The following PPARGC1A variants were observed in gnomAD, a reference collection of about 807,000 sequenced individuals.
PPARGC1A encodes the protein peroxisome proliferator-activated receptor gamma coactivator 1-alpha.
PPARGC1A carries 25 observed loss-of-function variants against 88.7 expected under a neutral mutation model. The observed-to-expected ratio is 0.28, with a 90% CI of 0.21 to 0.39. The LOEUF is 0.39. Among genes scored for constraint, PPARGC1A ranks in the 10% least tolerant of loss-of-function variants. PPARGC1A has a pLI of 1.00. For synonymous variants in PPARGC1A, 363 were observed against 355.6 expected (o/e 1.02, Z -0.24); for missense variants, 880 against 968.7 (o/e 0.91, Z 1.22).
the PPARGC1A span, among the ~76,000 whole-genome samples, chr4:24,062,058 A>G: frequency 6.6e-6 from 1 of 152,304 alleles, no homozygotes; most frequent in South Asian, 2.1e-4. Context: ...AACTTACTCT[A>G]CTATCTATCT....
At chr4:24,170,504 G>A in the PPARGC1A span, among the ~76,000 whole-genome samples, 1 of 152,136 alleles carries the variant, frequency 6.6e-6, no homozygotes, top group South Asian at 2.1e-4. Flanking sequence ...TGGCAGGGAG[G>A]GGGCCTAACT....
At chr4:24,456,857 G>A in the PPARGC1A span, among the ~76,000 whole-genome samples, 142 of 152,168 alleles carry the variant, frequency 9.3e-4, 1 homozygote, top group African/African-American at 3.3e-3. Context: ...GCCAGAGTGT[G>A]GGCAATGTGA....
At chr4:24,311,889 AT>A in the PPARGC1A span, among the ~76,000 whole-genome samples, 1 of 152,194 alleles carries the variant, frequency 6.6e-6, no homozygotes, top group African/African-American at 2.4e-5. Flanking sequence ...GGATGAAATC[AT>A]TTTTGTCAGA....
chr4:23,962,510 T>C, the PPARGC1A span, among the ~76,000 whole-genome samples: 14 of 152,100 alleles, frequency 9.2e-5, no homozygotes, highest in African/African-American at 2.7e-4. Flanking sequence ...CCCAAGACAA[T>C]GAGACAGTCA....
At chr4:24,377,818 A>G in the PPARGC1A span, among the ~76,000 whole-genome samples, 136 of 152,338 alleles carry the variant, frequency 8.9e-4, no homozygotes, top group African/African-American at 3.2e-3. Context: ...TGCTGACATC[A>G]GGACACCTTG....
the PPARGC1A span, among the ~76,000 whole-genome samples, chr4:24,408,660 T>G: frequency 6.6e-6 from 1 of 152,190 alleles, no homozygotes; most frequent in Non-Finnish European, 1.5e-5. Flanking sequence ...GGAAAGACCA[T>G]CTGTGGGACC....
chr4:24,234,740 T>C, the PPARGC1A span, among the ~76,000 whole-genome samples: 1 of 152,200 alleles, frequency 6.6e-6, no homozygotes. Context: ...GAAAGTAATG[T>C]ATCCTGTTCA....
At chr4:24,182,074 T>C in the PPARGC1A span, among the ~76,000 whole-genome samples, 1 of 152,148 alleles carries the variant, frequency 6.6e-6, no homozygotes, top group African/African-American at 2.4e-5. Flanking sequence ...GGTGGTTTGC[T>C]GCACCTATCA....
the PPARGC1A span, among the ~76,000 whole-genome samples, chr4:24,401,010 A>ATTT: frequency 3.5e-4 from 3 of 8,674 alleles, no homozygotes; most frequent in Admixed American, 1.2e-3. Context: ...ATATACCTGA[A>ATTT]TTTTCTTTTT....
the PPARGC1A span, among the ~76,000 whole-genome samples, chr4:24,080,232 T>A: frequency 6.6e-6 from 1 of 151,978 alleles, no homozygotes; most frequent in Non-Finnish European, 1.5e-5. Flanking sequence ...ATTCTGGGAG[T>A]TGTACTGTTT....
chr4:24,036,006 G>A, the PPARGC1A span, among the ~76,000 whole-genome samples: 1 of 152,166 alleles, frequency 6.6e-6, no homozygotes, highest in Admixed American at 6.5e-5. Context: ...GTTTTAGAAT[G>A]TGGACTTTGG....
the PPARGC1A span, among the ~76,000 whole-genome samples, chr4:24,129,293 T>A: frequency 6.6e-6 from 1 of 152,150 alleles, no homozygotes; most frequent in African/African-American, 2.4e-5. Flanking sequence ...TAGCTATCCC[T>A]ACAGTTAGAG....
upstream of PPARGC1A, among the ~76,000 whole-genome samples, chr4:23,905,031 A>G (rs1389640250): frequency 4.6e-5 from 7 of 152,286 alleles, no homozygotes; most frequent in South Asian, 1.0e-3. Context: ...TTTAATTCAC[A>G]GTAAGTGGCA....
At chr4:24,387,800 G>GA in the PPARGC1A span, among the ~76,000 whole-genome samples, 1 of 107,282 alleles carries the variant, frequency 9.3e-6, no homozygotes, top group African/African-American at 3.1e-5. Context: ...AAGAAAGAAA[G>GA]AAAGAAAGAA....
the PPARGC1A span, among the ~76,000 whole-genome samples, chr4:23,949,491 G>A: frequency 1.3e-5 from 2 of 152,118 alleles, no homozygotes; most frequent in African/African-American, 2.4e-5. Context: ...GGCATTAATC[G>A]AGAGAAGGAA....
the PPARGC1A span, among the ~76,000 whole-genome samples, chr4:24,457,234 TG>T: frequency 1.3e-5 from 2 of 151,970 alleles, no homozygotes; most frequent in African/African-American, 2.4e-5. Context: ...TGCACTTTCT[TG>T]GGGAAAAATC....
chr4:24,087,599 A>G, the PPARGC1A span, among the ~76,000 whole-genome samples: 1 of 152,294 alleles, frequency 6.6e-6, no homozygotes, highest in South Asian at 2.1e-4. Flanking sequence ...TCCTCATGCA[A>G]GCGTAATCAC....
At chr4:23,831,163 C>A (rs1450284851) in intron 3 of PPARGC1A, among the ~76,000 whole-genome samples, 1 of 152,014 alleles carries the variant, frequency 6.6e-6, no homozygotes, top group African/African-American at 2.4e-5. Flanking sequence ...TAAATTTGAA[C>A]CCATATGCTC....
chr4:24,006,396 G>A, the PPARGC1A span, among the ~76,000 whole-genome samples: 2 of 152,144 alleles, frequency 1.3e-5, no homozygotes, highest in African/African-American at 4.8e-5. Flanking sequence ...TAGAGCAAAG[G>A]CTGCAGCACC....
Sources: allele counts gnomAD v4.1 joint callset (sites outside exome capture counted in the v4.1 genomes callset), GRCh38; gene constraint gnomAD v4.1.1; transcripts MANE v1.5; gene names NCBI Gene and HGNC (gene_info 2026-07-23, HGNC 2026-07-21).